Variants in RAPGEF6 observed in about 807,000 individuals in gnomAD.
RAPGEF6 encodes the protein Rap guanine nucleotide exchange factor 6, also known as PDZ domain containing guanine nucleotide exchange factor (GEF) 2.
A neutral mutation model predicts 171.4 loss-of-function variants in RAPGEF6; 56 were observed. The ratio of observed to expected loss-of-function variants is 0.33; its 90% CI spans 0.26 to 0.41. The LOEUF is 0.41. Ranked by LOEUF, RAPGEF6 falls within the 10% of genes least tolerant of loss-of-function variation. The pLI, the probability that RAPGEF6 is intolerant of heterozygous loss-of-function variation, is 1.00. For missense variants in RAPGEF6, 1,674 were observed against 1,921.4 expected (o/e 0.87, Z 2.41); for synonymous variants, 692 against 650.1 (o/e 1.06, Z -0.98).
intron 4 of RAPGEF6, among the ~76,000 whole-genome samples, chr5:131,590,954 A>G (rs533897048): frequency 3.9e-5 from 6 of 152,320 alleles, no homozygotes; most frequent in African/African-American, 1.4e-4. Context: ...TGAGTTTCAC[A>G]AATACAGGGA....
In RAPGEF6 at chr5:131,442,534, G is replaced by A. The variant is rs1409141727; in HGVS notation, c.3425C>T (p.Thr1142Ile). Residue 1142 changes from threonine to isoleucine, a missense_variant, in exon 23 of 28, where the codon ACC becomes ATC. Physicochemically the swap from Thr to Ile is moderately conservative, Grantham distance 89. Coordinates refer to ENST00000509018, the MANE Select transcript of RAPGEF6 (RefSeq NM_016340.6). The stretch of plus-strand genomic sequence containing the variant: ...TGATCTTTTCTCACTTAAATTCTTG[G>A]TCACTAACAGGAGAGAGTAAGAAAT... The part of the protein sequence containing the change: ...LQWEPAYGTL[T>I]KNLSEKRSAK... 6.2e-7 allele frequency: 1 copy of A among 1,613,604 alleles called. No homozygotes were observed. The highest frequency in any genetic ancestry group is 8.5e-7 in the Non-Finnish European group (1 of 1,179,752).
chr5:131,507,861 T>C (rs1234415123), intron 9 of RAPGEF6, among the ~76,000 whole-genome samples: 1 of 152,098 alleles, frequency 6.6e-6, no homozygotes, highest in Non-Finnish European at 1.5e-5. Flanking sequence ...TTGTGCAGAG[T>C]CTACTGCGAA....
intron 6 of RAPGEF6, among the ~76,000 whole-genome samples, chr5:131,521,891 A>ACACACTCTCTCTCTCT (rs1250904540): frequency 8.1e-6 from 1 of 123,574 alleles, no homozygotes; most frequent in African/African-American, 3.0e-5. Context: ...ACACACACAC[A>ACACACTCTCTCTCTCT]CTCTCTCTCT....
chr5:131,619,471 T>A (rs1266198434), intron 1 of RAPGEF6, among the ~76,000 whole-genome samples: 2 of 152,210 alleles, frequency 1.3e-5, no homozygotes, highest in Non-Finnish European at 2.9e-5. Context: ...AGTATAATTT[T>A]AAAAAATTAC....
intron 6 of RAPGEF6, among the ~76,000 whole-genome samples, chr5:131,531,279 T>G (rs1759351209): frequency 6.6e-6 from 1 of 152,202 alleles, no homozygotes; most frequent in Admixed American, 6.5e-5. Flanking sequence ...TAAAAAATCT[T>G]AATAAATGTT....
chr5:131,559,061 C>T (rs1228763667), intron 5 of RAPGEF6, among the ~76,000 whole-genome samples: 1 of 152,132 alleles, frequency 6.6e-6, no homozygotes, highest in Non-Finnish European at 1.5e-5. Flanking sequence ...GGCAAAGCGG[C>T]TCACACCTGT....
rs1161664441 is a variant in RAPGEF6, at chr5:131,623,509, G to C, written c.69+11453C>G. Among the ~76,000 whole-genome samples the C allele has an allele frequency of 2.3e-5, 3 of 130,930 alleles. No individual in the cohort carries two copies. The East Asian group carries it at 7.0e-4, about 31-fold the overall frequency. The allele number at this position is 130,930 out of a possible 152,430, so 85.9% of individuals were successfully genotyped here. On this transcript the variant is annotated intron_variant, in intron 1 of 27. Transcript: ENST00000509018. ...TTTTTTTTTTTTTTTGTGAGACAGA[G>C]TTTCACTCTTGTTGCCCAGGCTGGA...
intron 4 of RAPGEF6, among the ~76,000 whole-genome samples, chr5:131,573,367 A>G (rs1330483680): frequency 6.6e-6 from 1 of 151,992 alleles, no homozygotes; most frequent in Non-Finnish European, 1.5e-5. Context: ...CCTTTCCCAA[A>G]TCAGCCAGCG....
intron 15 of RAPGEF6, among the ~76,000 whole-genome samples, chr5:131,482,471 T>C (rs532542718): frequency 3.1e-4 from 47 of 152,252 alleles, no homozygotes; most frequent in Admixed American, 2.7e-3. Flanking sequence ...CCCAGCTCAT[T>C]TTTTCTATTT....
intron 3 of RAPGEF6, among the ~76,000 whole-genome samples, chr5:131,600,394 C>T (rs991783037): frequency 1.4e-4 from 22 of 152,132 alleles, no homozygotes; most frequent in African/African-American, 4.1e-4. Flanking sequence ...TGGTGGCACG[C>T]GCCTGTAGTC....
chr5:131,495,904 A>G (rs1326227623), intron 12 of RAPGEF6, among the ~76,000 whole-genome samples: 1 of 152,256 alleles, frequency 6.6e-6, no homozygotes, highest in Non-Finnish European at 1.5e-5. Flanking sequence ...GTTTGTTAAG[A>G]TAAAAGAAGT....
intron 3 of RAPGEF6, among the ~76,000 whole-genome samples, chr5:131,601,193 G>C (rs1020342304): frequency 1.3e-5 from 2 of 151,814 alleles, no homozygotes; most frequent in African/African-American, 4.8e-5. Context: ...AGACCAGCCT[G>C]ACCAACATGG....
rs181454118 is a variant in RAPGEF6, at chr5:131,528,773, G to A, written c.496-7252C>T. 1.6e-3 allele frequency among the ~76,000 whole-genome samples: 236 copies of A among 152,232 alleles called. 1 individual carries two copies. Among genetic ancestry groups the A allele is most frequent in the African/African-American group, 5.4e-3 (223 of 41,526 alleles). ...GGGCAGTGACAGTGAATGAGGAGGA[G>A]TGTAGTAGGAGATAAGTGGAGGAGG... On this transcript the variant is annotated intron_variant, in intron 6 of 27. Coordinates refer to ENST00000509018, the MANE Select transcript of RAPGEF6 (RefSeq NM_016340.6).
intron 1 of RAPGEF6, among the ~76,000 whole-genome samples, chr5:131,607,169 C>T (rs1443383397): frequency 1.3e-5 from 2 of 152,172 alleles, no homozygotes; most frequent in African/African-American, 2.4e-5. Flanking sequence ...CAAGTGGAAA[C>T]CTCTGCCCCA....
chr5:131,462,624 AC>A (rs1305943738), intron 18 of RAPGEF6, among the ~76,000 whole-genome samples: 1 of 152,234 alleles, frequency 6.6e-6, no homozygotes, highest in Non-Finnish European at 1.5e-5. Context: ...CTTGTTAAAT[AC>A]AAAACCTCAT....
chr5:131,452,900 TATTA>T (rs1178207868), intron 21 of RAPGEF6, among the ~76,000 whole-genome samples, 150 bp downstream of exon 21: 1 of 152,242 alleles, frequency 6.6e-6, no homozygotes, highest in African/African-American at 2.4e-5. Flanking sequence ...CTGTTATGGT[TATTA>T]ATGATAAATG....
rs2149496707 is a variant in RAPGEF6 at position 131,635,156 on chromosome 5, G to A, written c.-126C>T. On this transcript the variant is annotated 5_prime_UTR_variant, in exon 1 of 28. Coordinates refer to ENST00000509018, the MANE Select transcript of RAPGEF6 (RefSeq NM_016340.6). ...GGAACTTCGCGCCGTAACAAGGTCC[G>A]AACTCTAGCAAACAACCCTTCGCAA... The A allele has an allele frequency of 9.9e-7, 1 of 1,005,108 alleles. No individual in the cohort carries two copies. Among genetic ancestry groups the A allele is most frequent in the Non-Finnish European group, 1.4e-6 (1 of 706,836 alleles). 62.3% of individuals were successfully genotyped at this position (1,005,108 alleles called of 1,614,324 possible).
chr5:131,577,185 A>G (rs1440781083), intron 4 of RAPGEF6, among the ~76,000 whole-genome samples: 1 of 152,190 alleles, frequency 6.6e-6, no homozygotes, highest in African/African-American at 2.4e-5. Context: ...ATACAGTCCG[A>G]TAACGGACCG....
At chr5:131,575,198 C>G (rs1762535952) in intron 4 of RAPGEF6, among the ~76,000 whole-genome samples, 1 of 152,180 alleles carries the variant, frequency 6.6e-6, no homozygotes, top group African/African-American at 2.4e-5. Context: ...CTGACAGCCA[C>G]CAATCTCAGC....
Sources: allele counts gnomAD v4.1 joint callset (sites outside exome capture counted in the v4.1 genomes callset), GRCh38; gene constraint gnomAD v4.1.1; transcripts MANE v1.5; gene names NCBI Gene and HGNC (gene_info 2026-07-23, HGNC 2026-07-21).